The following IL12RB1 variants were observed in gnomAD, a reference collection of about 807,000 sequenced individuals.
IL12RB1 encodes the protein interleukin-12 receptor subunit beta-1.
Under a neutral mutation model 94.4 loss-of-function variants are expected in IL12RB1, and 64 were observed. The observed-to-expected ratio is 0.68, with a 90% CI of 0.55 to 0.83. The LOEUF is 0.83. Among genes scored for constraint, IL12RB1 ranks in the 40% least tolerant of loss-of-function variants. The probability of loss-of-function intolerance (pLI) is 0.00; values close to 1 mark genes in which losing one functional copy is unlikely to be tolerated. For missense variants in IL12RB1, 814 were observed against 855.6 expected (o/e 0.95, Z 0.61); for synonymous variants, 362 against 355.5 (o/e 1.02, Z -0.21).
intron 15 of IL12RB1, 119 bp downstream of exon 15, chr19:18,061,003 C>A (rs774341629): frequency 7.6e-5 from 53 of 697,482 alleles, no homozygotes; most frequent in Non-Finnish European, 1.3e-4. Context: ...GGGTATGGAG[C>A]ACTGGTTTTG....
chr19:18,083,743 C>CCCATCCATCCAT (rs146292111), intron 1 of IL12RB1, among the ~76,000 whole-genome samples: 75 of 148,100 alleles, frequency 5.1e-4, no homozygotes, highest in African/African-American at 1.8e-3. Context: ...CATCCATTCA[C>CCCATCCATCCAT]CCATCCATCC....
rs1249086960 is a variant in IL12RB1, at chr19:18,077,568, A to G, written c.497T>C (p.Val166Ala). The change falls in exon 5 of 17, where the codon GTT becomes GCT. Residue 166 changes from valine to alanine, a missense_variant. Coordinates refer to ENST00000593993, the MANE Select transcript of IL12RB1 (RefSeq NM_005535.3). ...GTGCCGGAACTGCACCTCAGCACCAACCTGGTTATCCGGGGTCTCCCACTC... is the reference window on the plus strand; with the variant it reads ...GTGCCGGAACTGCACCTCAGCACCAGCCTGGTTATCCGGGGTCTCCCACTC... The part of the protein sequence containing the change: ...RMEWETPDNQ[V>A]GAEVQFRHRT... The G allele has an allele frequency of 6.2e-7, 1 of 1,612,036 alleles. No homozygotes were observed. The highest frequency in any genetic ancestry group is 8.5e-7 in the Non-Finnish European group (1 of 1,178,462).
intron 1 of IL12RB1, chr19:18,097,799 G>C (rs1024224204): frequency 5.7e-6 from 7 of 1,223,126 alleles, no homozygotes; most frequent in Non-Finnish European, 5.1e-6. Flanking sequence ...GGCCATGGAC[G>C]AGTCGAGCCT....
intron 2 of IL12RB1, among the ~76,000 whole-genome samples, chr19:18,082,752 C>A (rs1274868254): frequency 1.3e-5 from 2 of 152,286 alleles, no homozygotes; most frequent in South Asian, 2.1e-4. Flanking sequence ...AGTGTTCAGA[C>A]CCTTTTCAGG....
rs770755723 is a variant in IL12RB1, at chr19:18,086,774, A to G, written c.50T>C (p.Leu17Pro). 6.2e-7 allele frequency: 1 copy of G among 1,611,570 alleles called. No individual in the cohort carries two copies. Among genetic ancestry groups the G allele is most frequent in the Non-Finnish European group, 8.5e-7 (1 of 1,179,228 alleles). ...WVVPLLFLFL[L>P]SRQGAACRTS... is the part of the protein sequence containing the mutation. ...AGGGGACTCACCGCCCTGCCTGGACAGCAGGAAGAGGAAGAGGAGGGGGAC... is the reference window on the plus strand; with the variant it reads ...AGGGGACTCACCGCCCTGCCTGGACGGCAGGAAGAGGAAGAGGAGGGGGAC... Residue 17 changes from leucine to proline, a missense_variant, in exon 1 of 17, where the codon CTG becomes CCG. By Grantham distance (98) the Leu-to-Pro change is moderately conservative. Transcript: ENST00000593993.
intron 13 of IL12RB1, 56 bp downstream of exon 13, chr19:18,063,820 G>T: frequency 6.6e-7 from 1 of 1,523,466 alleles, no homozygotes; most frequent in Non-Finnish European, 9.0e-7. Context: ...ATCATTGTGG[G>T]AAGCGCAGTG....
intron 9 of IL12RB1, 25 bp downstream of exon 9, chr19:18,072,087 C>T (rs747958090): frequency 8.0e-6 from 12 of 1,493,546 alleles, no homozygotes; most frequent in Middle Eastern, 1.7e-4. Context: ...GCCCTCATAC[C>T]GCCCTCCCCA....
chr19:18,098,161 G>A (rs1461894519), intron 1 of IL12RB1, among the ~76,000 whole-genome samples: 1 of 152,118 alleles, frequency 6.6e-6, no homozygotes, highest in Non-Finnish European at 1.5e-5. Context: ...ATATGTTCAT[G>A]GTTGTTTTAG....
In IL12RB1 at chr19:18,086,794, G is replaced by A. The variant is rs2036374170; in HGVS notation, c.30C>T (p.Pro10=). The change falls in exon 1 of 17, where the codon CCC becomes CCT. Residue 10 remains proline, a synonymous_variant. Transcript: ENST00000593993. The part of the protein sequence containing the change: MEPLVTWVV[P]LLFLFLLSRQ... ...TGGACAGCAGGAAGAGGAAGAGGAG[G>A]GGGACCACCCAGGTCACCAGCGGCT... 1.2e-6 allele frequency: 2 copies of A among 1,612,048 alleles called. No individual in the cohort carries two copies. The highest frequency in any genetic ancestry group is 2.2e-5 in the East Asian group (1 of 44,842).
intron 1 of IL12RB1, among the ~76,000 whole-genome samples, chr19:18,097,441 T>G (rs555093089): frequency 8.5e-5 from 13 of 152,268 alleles, no homozygotes; most frequent in Admixed American, 3.3e-4. Context: ...TCAAGTGATC[T>G]GCCCACCTCG....
chr19:18,097,290 G>GC (rs1205299193), intron 1 of IL12RB1, among the ~76,000 whole-genome samples: 3 of 152,088 alleles, frequency 2.0e-5, no homozygotes, highest in African/African-American at 7.2e-5. Context: ...CGATTCTCCT[G>GC]CCTCAGTCTT....
Position 18,086,927 on chromosome 19 carries a change from A to C in IL12RB1, c.-104T>G. On this transcript the variant is annotated 5_prime_UTR_variant, in exon 1 of 17. Transcript: ENST00000593993. ...GAACACATTGAAGCTGAGCAAGGAG[A>C]AAAGACTGAAAAAAAAGAAAAAAGA... 1.9e-6 allele frequency: 3 copies of C among 1,552,374 alleles called. No homozygotes were observed. In the South Asian group the frequency reaches 3.5e-5, roughly 18 times the overall value.
intron 7 of IL12RB1, among the ~76,000 whole-genome samples, chr19:18,074,284 T>G (rs1476613840): frequency 1.3e-5 from 2 of 152,122 alleles, no homozygotes; most frequent in African/African-American, 4.8e-5. Flanking sequence ...AGTGCTGGGA[T>G]TACAGGCATA....
intron 3 of IL12RB1, among the ~76,000 whole-genome samples, chr19:18,081,855 G>A (rs981874361): frequency 1.1e-5 from 1 of 93,832 alleles, no homozygotes; most frequent in Non-Finnish European, 3.0e-5. Context: ...AAAATGGATG[G>A]ATGGATGGAT....
Position 18,059,404 on chromosome 19 carries a change from G to T in IL12RB1, c.*204C>A, listed in dbSNP as rs1381392853. On this transcript the variant is annotated 3_prime_UTR_variant, in exon 17 of 17. Transcript: ENST00000593993. Reference sequence around the variant, plus strand: ...CAGGGTCTGCTCCTGCCCCACGGATGCCAGGCCCAGCAGGGTGCAGCAGCT... The same window carrying T: ...CAGGGTCTGCTCCTGCCCCACGGATTCCAGGCCCAGCAGGGTGCAGCAGCT... The T allele has an allele frequency of 6.3e-6, 4 of 631,570 alleles. No homozygotes were observed. The highest frequency in any genetic ancestry group is 1.1e-5 in the Non-Finnish European group (4 of 349,276). The allele number at this position is 631,570 out of a possible 1,614,324, so 39.1% of individuals were successfully genotyped here. A position where few individuals can be genotyped will look rare whatever the true frequency, so the allele number is the denominator to read the frequency against.
In IL12RB1 at chr19:18,082,967, C is replaced by T. The variant is rs2036019924; in HGVS notation, c.124+465G>A. On this transcript the variant is annotated intron_variant, in intron 2 of 16. Coordinates refer to ENST00000593993, the MANE Select transcript of IL12RB1 (RefSeq NM_005535.3). ...GTGTGGTGGCGGGCACCTGTAATCCCAGCTACTTGGAAGGCTGAGGCTGGA... is the reference window on the plus strand; with the variant it reads ...GTGTGGTGGCGGGCACCTGTAATCCTAGCTACTTGGAAGGCTGAGGCTGGA... The T allele has an allele frequency of 4.3e-5, 11 of 254,986 alleles. 1 individual carries two copies. The South Asian group carries it at 4.8e-4, about 11-fold the overall frequency. 15.8% of individuals were successfully genotyped at this position (254,986 alleles called of 1,614,324 possible). A position where few individuals can be genotyped will look rare whatever the true frequency, so the allele number is the denominator to read the frequency against.
At chr19:18,095,935 G>A (rs141511600) in intron 1 of IL12RB1, among the ~76,000 whole-genome samples, 4 of 152,232 alleles carry the variant, frequency 2.6e-5, no homozygotes, top group African/African-American at 7.2e-5. Flanking sequence ...AAAAAATGCA[G>A]GTGCTAAGCC....
rs11575926 is a variant in IL12RB1 at position 18,077,598 on chromosome 19, C to T, written c.467G>A (p.Arg156His). 253,182 of 1,597,014 alleles carry T rather than the reference C, an allele frequency of 0.16. 22,380 individuals carry two copies. Among genetic ancestry groups the T allele is most frequent in the Non-Finnish European group, 0.18 (211,438 of 1,164,546 alleles). The change falls in exon 5 of 17, where the codon CGT becomes CAT. Residue 156 changes from arginine (R) to histidine (H), a missense_variant. Arg to His is a conservative substitution (Grantham distance 29, BLOSUM62 0). Coordinates refer to ENST00000593993, the MANE Select transcript of IL12RB1 (RefSeq NM_005535.3). ...IKVSKLAGQL[R>H]MEWETPDNQV... Reference sequence around the variant, plus strand: ...GTTATCCGGGGTCTCCCACTCCATACGCAGCTGCCCGGCCAACTTGGACAC... The same window carrying T: ...GTTATCCGGGGTCTCCCACTCCATATGCAGCTGCCCGGCCAACTTGGACAC...
At position 18,086,769 on chromosome 19, in the gene IL12RB1, T is replaced by C. The variant is rs746501773; in HGVS notation, c.55A>G (p.Arg19Gly). Residue 19 changes from arginine (R) to glycine (G), a missense_variant, in exon 1 of 17, where the codon AGG (arginine) becomes GGG (glycine). Coordinates refer to ENST00000593993, the MANE Select transcript of IL12RB1 (RefSeq NM_005535.3). ...VPLLFLFLLS[R>G]QGAACRTSEC... ...GGGTCAGGGGACTCACCGCCCTGCCTGGACAGCAGGAAGAGGAAGAGGAGG... is the reference window on the plus strand; with the variant it reads ...GGGTCAGGGGACTCACCGCCCTGCCCGGACAGCAGGAAGAGGAAGAGGAGG... The C allele has an allele frequency of 6.8e-6, 11 of 1,610,596 alleles. No homozygotes were observed. Among genetic ancestry groups the C allele is most frequent in the African/African-American group, 6.7e-5 (5 of 74,662 alleles).
Sources: allele counts gnomAD v4.1 joint callset (sites outside exome capture counted in the v4.1 genomes callset), GRCh38; gene constraint gnomAD v4.1.1; transcripts MANE v1.5; gene names NCBI Gene and HGNC (gene_info 2026-07-23, HGNC 2026-07-21).